GPC6: variants seen among roughly 807,000 people sequenced by gnomAD.
The protein encoded by GPC6 is glypican 6.
A neutral mutation model predicts 55.2 loss-of-function variants in GPC6; 14 were observed. The ratio of observed to expected loss-of-function variants is 0.25; its 90% CI spans 0.17 to 0.40. The LOEUF is 0.40. GPC6 is among the 10% of genes least tolerant of loss of function. The probability of loss-of-function intolerance (pLI) is 1.00; values close to 1 mark genes in which losing one functional copy is unlikely to be tolerated. For synonymous variants in GPC6, 278 were observed against 259.6 expected, an observed-to-expected ratio of 1.07 and a Z score of -0.68; for missense variants, 641 against 708.5, an observed-to-expected ratio of 0.90 and a Z score of 1.08.
intron 4 of GPC6, among the ~76,000 whole-genome samples, chr13:94,089,777 A>G (rs913321757): frequency 3.9e-5 from 6 of 152,116 alleles, no homozygotes; most frequent in South Asian, 2.1e-4. Flanking sequence ...TTTTTCTCCA[A>G]TCTACGCCGG....
intron 3 of GPC6, among the ~76,000 whole-genome samples, chr13:93,833,320 A>G (rs80128663): frequency 2.8e-4 from 42 of 152,280 alleles, no homozygotes; most frequent in African/African-American, 9.1e-4. Context: ...TACTGGTACT[A>G]TGATGATTTT....
At chr13:94,038,973 G>T (rs1327869810) in intron 4 of GPC6, among the ~76,000 whole-genome samples, 1 of 151,890 alleles carries the variant, frequency 6.6e-6, no homozygotes, top group African/African-American at 2.4e-5. Context: ...CCTGTTTCTG[G>T]ATTTGCCTTA....
At chr13:93,306,543 A>T (rs923523199) in intron 1 of GPC6, among the ~76,000 whole-genome samples, 4 of 152,150 alleles carry the variant, frequency 2.6e-5, no homozygotes, top group Non-Finnish European at 4.4e-5. Flanking sequence ...TAAAAGCAAA[A>T]GTAAACAAAT....
chr13:93,991,411 T>C (rs1881300946), intron 3 of GPC6, among the ~76,000 whole-genome samples: 1 of 152,206 alleles, frequency 6.6e-6, no homozygotes, highest in Non-Finnish European at 1.5e-5. Context: ...TCATAATCAT[T>C]GTTTTCTCTA....
intron 1 of GPC6, among the ~76,000 whole-genome samples, chr13:93,433,660 C>T (rs1481157527): frequency 6.6e-6 from 1 of 151,838 alleles, no homozygotes; most frequent in Non-Finnish European, 1.5e-5. Context: ...AAAATAATAA[C>T]CTTGCTAACA....
chr13:93,336,743 C>T (rs547917660), intron 1 of GPC6, among the ~76,000 whole-genome samples: 1 of 152,170 alleles, frequency 6.6e-6, no homozygotes, highest in Non-Finnish European at 1.5e-5. Flanking sequence ...ATGTCTTCCT[C>T]ATTACAATTA....
At chr13:93,651,208 A>G (rs1166237031) in intron 2 of GPC6, among the ~76,000 whole-genome samples, 1 of 152,158 alleles carries the variant, frequency 6.6e-6, no homozygotes, top group Non-Finnish European at 1.5e-5. Flanking sequence ...AACAAAATAG[A>G]AAAACCACCT....
chr13:93,272,492 G>GTATATATATA lies in GPC6; in HGVS notation c.160+44895_160+44904dup, dbSNP rs61556173. 3.9e-3 allele frequency among the ~76,000 whole-genome samples: 539 copies of GTATATATATA among 137,136 alleles called. 3 individuals carry two copies. Among genetic ancestry groups the GTATATATATA allele is most frequent in the Admixed American group, 5.0e-3 (68 of 13,634 alleles). 90.0% of individuals were successfully genotyped at this position (137,136 alleles called of 152,430 possible). A position where few individuals can be genotyped will look rare whatever the true frequency, so the allele number is the denominator to read the frequency against. On this transcript the variant is annotated intron_variant, in intron 1 of 8. Transcript: ENST00000377047. ...GAATGAGGTGATTCATTGTCTGTGT[G>GTATATATATA]TATATATATATATATATATATATAT...
At chr13:93,840,111 G>A (rs1887894318) in intron 3 of GPC6, among the ~76,000 whole-genome samples, 2 of 151,814 alleles carry the variant, frequency 1.3e-5, no homozygotes, top group African/African-American at 4.8e-5. Context: ...TTTTTTTGTG[G>A]GTAATTTTAA....
At chr13:93,603,625 A>C (rs76010292) in intron 2 of GPC6, among the ~76,000 whole-genome samples, 2,870 of 152,314 alleles carry the variant, frequency 0.019, 91 homozygotes, top group African/African-American at 0.066. Flanking sequence ...TCACTGCTCT[A>C]TCTCTCAATT....
At chr13:93,328,626 G>C (rs761890689) in intron 1 of GPC6, among the ~76,000 whole-genome samples, 1 of 150,868 alleles carries the variant, frequency 6.6e-6, no homozygotes, top group African/African-American at 2.4e-5. Flanking sequence ...AGTGAGCTGT[G>C]ATCACACCAC....
chr13:93,341,976 G>A (rs1275619696), intron 1 of GPC6, among the ~76,000 whole-genome samples: 1 of 150,540 alleles, frequency 6.6e-6, no homozygotes, highest in East Asian at 2.0e-4. Flanking sequence ...GAGTACAGTG[G>A]CCCAATTTTG....
chr13:94,289,654 T>A (rs573456268), intron 5 of GPC6, among the ~76,000 whole-genome samples: 25 of 152,318 alleles, frequency 1.6e-4, no homozygotes, highest in African/African-American at 6.0e-4. Context: ...TGGTTCCCTA[T>A]GTCCATCCAA....
In GPC6 at chr13:94,259,890, GCACACACACACATA is replaced by G. The variant is rs1431330712; in HGVS notation, c.878-26447_878-26434del. Among the ~76,000 whole-genome samples the G allele has an allele frequency of 5.3e-5, 8 of 151,782 alleles. No homozygotes were observed. The East Asian group carries it at 1.2e-3, about 22-fold the overall frequency. ...TACTCTATTGTGTGTATACACACAT[GCACACACACACATA>G]CACACACACACGCACACGATATTTT... On this transcript the variant is annotated intron_variant, in intron 4 of 8. Transcript: ENST00000377047.
intron 6 of GPC6, among the ~76,000 whole-genome samples, chr13:94,350,877 G>C (rs1346375102): frequency 1.3e-5 from 2 of 152,146 alleles, no homozygotes; most frequent in African/African-American, 4.8e-5. Flanking sequence ...AGAACATGAG[G>C]GGGTGAGAGG....
At chr13:94,361,583 C>T (rs547512676) in intron 6 of GPC6, among the ~76,000 whole-genome samples, 1 of 152,334 alleles carries the variant, frequency 6.6e-6, no homozygotes, top group South Asian at 2.1e-4. Context: ...TTATTCAATG[C>T]CCACTTTCGG....
intron 4 of GPC6, among the ~76,000 whole-genome samples, chr13:94,078,079 A>T (rs1884979981): frequency 6.6e-6 from 1 of 151,956 alleles, no homozygotes; most frequent in Admixed American, 6.6e-5. Flanking sequence ...TCTGAACACA[A>T]TGGTATAAAA....
chr13:93,484,720 ATAAAT>A (rs1306897945), intron 1 of GPC6, among the ~76,000 whole-genome samples: 2 of 152,182 alleles, frequency 1.3e-5, no homozygotes, highest in African/African-American at 2.4e-5. Flanking sequence ...TATGTATATA[ATAAAT>A]TAAATGATAA....
At chr13:93,823,594 T>G (rs1262295475) in intron 2 of GPC6, among the ~76,000 whole-genome samples, 4 of 152,218 alleles carry the variant, frequency 2.6e-5, no homozygotes, top group African/African-American at 9.6e-5. Flanking sequence ...CTGTTTCAAA[T>G]CCACTTTTGT....
Sources: gnomAD v4.1 joint callset for allele counts (sites outside exome capture counted in the v4.1 genomes callset) on GRCh38, gnomAD v4.1.1 for gene constraint, MANE v1.5 for transcripts, NCBI Gene and HGNC (gene_info 2026-07-23, HGNC 2026-07-21) for gene names.